SDK1: variants seen among roughly 807,000 people sequenced by gnomAD.
The protein encoded by SDK1 is protein sidekick-1.
SDK1 carries 157 observed loss-of-function variants against 245.5 expected under a neutral mutation model. The ratio of observed to expected loss-of-function variants is 0.64; its 90% CI spans 0.56 to 0.73. The LOEUF is 0.73. Among genes scored for constraint, SDK1 ranks in the 30% least tolerant of loss-of-function variants. The pLI, the probability that SDK1 is intolerant of heterozygous loss-of-function variation, is 0.00. For missense variants in SDK1, 3,583 were observed against 3,002.3 expected (o/e 1.19, Z -4.52); for synonymous variants, 1,647 against 1,278.5 (o/e 1.29, Z -6.15).
chr7:3,717,091 A>G (rs925511902), intron 4 of SDK1, among the ~76,000 whole-genome samples: 2 of 152,218 alleles, frequency 1.3e-5, no homozygotes, highest in Non-Finnish European at 2.9e-5. Context: ...AAAAGATTTC[A>G]GTCCTTCCTT....
intron 1 of SDK1, chr7:3,338,509 A>G: frequency 2.2e-6 from 1 of 460,846 alleles, no homozygotes; most frequent in Non-Finnish European, 4.2e-6. Context: ...TCAGCTGAAG[A>G]GCCAGCCTGT....
chr7:4,069,428 G>A (rs532934875), intron 20 of SDK1, among the ~76,000 whole-genome samples: 7 of 152,304 alleles, frequency 4.6e-5, no homozygotes, highest in East Asian at 1.9e-4. Context: ...CTCATGTCCC[G>A]GCAGGGGCTC....
intron 32 of SDK1, among the ~76,000 whole-genome samples, chr7:4,171,848 G>A (rs577958472): frequency 1.2e-4 from 19 of 152,342 alleles, no homozygotes; most frequent in Admixed American, 9.1e-4. Context: ...GGATGGATAC[G>A]TGACCCTTGT....
chr7:3,544,309 G>C (rs575923793), intron 1 of SDK1, among the ~76,000 whole-genome samples: 15 of 152,338 alleles, frequency 9.8e-5, no homozygotes, highest in Admixed American at 7.8e-4. Context: ...ATTTAGAATA[G>C]AACATATTTT....
chr7:3,759,714 C>T (rs902642336), intron 4 of SDK1, among the ~76,000 whole-genome samples: 3 of 151,978 alleles, frequency 2.0e-5, no homozygotes, highest in African/African-American at 7.2e-5. Flanking sequence ...GCCTCAGCCT[C>T]CTGAGTAGCT....
At chr7:3,678,676 G>A (rs567080296) in intron 4 of SDK1, among the ~76,000 whole-genome samples, 1 of 152,072 alleles carries the variant, frequency 6.6e-6, no homozygotes, top group African/African-American at 2.4e-5. Context: ...TTTCTGTTTG[G>A]GATGAAGAAA....
At chr7:3,705,082 T>C (rs1250820387) in intron 4 of SDK1, among the ~76,000 whole-genome samples, 1 of 152,242 alleles carries the variant, frequency 6.6e-6, no homozygotes, top group African/African-American at 2.4e-5. Context: ...GCTGTTTTGG[T>C]AACTGTAGTT....
At chr7:3,339,976 A>T (rs1001782263) in intron 1 of SDK1, among the ~76,000 whole-genome samples, 1 of 152,128 alleles carries the variant, frequency 6.6e-6, no homozygotes, top group Non-Finnish European at 1.5e-5. Flanking sequence ...AAGGAATAAG[A>T]CCCAAATCAG....
chr7:3,631,381 C>T (rs924124347), intron 2 of SDK1, among the ~76,000 whole-genome samples: 1 of 152,284 alleles, frequency 6.6e-6, no homozygotes, highest in South Asian at 2.1e-4. Context: ...CCATCTACAT[C>T]TTCGTGAAAA....
At chr7:4,052,825 A>G (rs145442276) in intron 19 of SDK1, among the ~76,000 whole-genome samples, 1,926 of 152,316 alleles carry the variant, frequency 0.013, 44 homozygotes, top group African/African-American at 0.038. Flanking sequence ...GCAGTGGTTC[A>G]TGCCTGTAAT....
intron 5 of SDK1, among the ~76,000 whole-genome samples, chr7:3,875,600 T>C (rs1781056391): frequency 1.3e-5 from 2 of 152,200 alleles, no homozygotes; most frequent in Non-Finnish European, 2.9e-5. Context: ...TCTCCATCTC[T>C]CTCAGCTCTA....
intron 17 of SDK1, among the ~76,000 whole-genome samples, chr7:4,034,495 A>C (rs1788074463): frequency 6.6e-6 from 1 of 152,316 alleles, no homozygotes; most frequent in African/African-American, 2.4e-5. Context: ...TCTTTATACA[A>C]TTTGAAATTC....
chr7:3,472,252 T>C (rs1368573207), intron 1 of SDK1, among the ~76,000 whole-genome samples: 2 of 152,212 alleles, frequency 1.3e-5, no homozygotes, highest in Non-Finnish European at 2.9e-5. Context: ...GCTTTTATAA[T>C]TTTGTAATAC....
chr7:3,415,801 C>T (rs1254365822), intron 1 of SDK1, among the ~76,000 whole-genome samples: 1 of 151,828 alleles, frequency 6.6e-6, no homozygotes, highest in Non-Finnish European at 1.5e-5. Flanking sequence ...ATGTTTTCTT[C>T]ACCAATTTCC....
intron 44 of SDK1, among the ~76,000 whole-genome samples, chr7:4,259,734 A>G (rs1787859913): frequency 6.6e-6 from 1 of 152,174 alleles, no homozygotes; most frequent in Non-Finnish European, 1.5e-5. Context: ...TTATAAAAAA[A>G]CCTTTTGAGT....
chr7:4,159,953 C>T (rs192081386), intron 31 of SDK1, among the ~76,000 whole-genome samples: 19 of 152,102 alleles, frequency 1.2e-4, no homozygotes, highest in Admixed American at 9.8e-4. Context: ...TTAAAGTATG[C>T]GGGAGGATGT....
chr7:4,030,081 C>T (rs189223172), intron 17 of SDK1, among the ~76,000 whole-genome samples: 38 of 152,266 alleles, frequency 2.5e-4, no homozygotes, highest in African/African-American at 8.9e-4. Flanking sequence ...CCATACAACC[C>T]TGTACTGGCT....
intron 1 of SDK1, among the ~76,000 whole-genome samples, chr7:3,504,178 A>ATGTGTGTGTGTGTGTGTGTG (rs1159786202): frequency 3.1e-4 from 16 of 52,422 alleles, no homozygotes; most frequent in South Asian, 1.1e-3. Flanking sequence ...TTATATATAT[A>ATGTGTGTGTGTGTGTGTGTG]TATATGTGTG....
intron 1 of SDK1, among the ~76,000 whole-genome samples, chr7:3,435,943 A>C (rs1364472518): frequency 6.6e-6 from 1 of 152,252 alleles, no homozygotes; most frequent in African/African-American, 2.4e-5. Flanking sequence ...ATGTAGTTGA[A>C]AAAGCAGAAC....
Sources: gnomAD v4.1 joint callset for allele counts (sites outside exome capture counted in the v4.1 genomes callset) on GRCh38, gnomAD v4.1.1 for gene constraint, MANE v1.5 for transcripts, NCBI Gene and HGNC (gene_info 2026-07-23, HGNC 2026-07-21) for gene names.